POLR3C: variants seen among roughly 807,000 people sequenced by gnomAD.
POLR3C encodes RNA polymerase III subunit C.
POLR3C carries 44 observed loss-of-function variants against 65.9 expected under a neutral mutation model. The observed-to-expected ratio is 0.67, with a 90% CI of 0.52 to 0.86. The LOEUF (loss-of-function observed/expected upper bound fraction) is 0.86, where lower values mean the gene tolerates loss of function less well. POLR3C is among the 40% of genes least tolerant of loss of function. POLR3C has a pLI of 0.00. For synonymous variants in POLR3C, 263 were observed against 231.6 expected, an observed-to-expected ratio of 1.14 and a Z score of -1.23; for missense variants, 576 against 653.2, an observed-to-expected ratio of 0.88 and a Z score of 1.29.
chr1:145,825,802 GTTC>G lies in POLR3C; in HGVS notation c.29_31del (p.Ser10del), dbSNP rs1336388845. On this transcript the variant is annotated inframe_deletion, in exon 2 of 15. Transcript: ENST00000334163. ...ATGACTCAAGCAGAAATTAAGCTCT[GTTC>G]TTTGTTGCTGCAAGAGCATTTTGGA... is the stretch of plus-strand genomic sequence containing the variant. 2.5e-6 allele frequency: 4 copies of G among 1,613,480 alleles called. No homozygotes were observed. Among genetic ancestry groups the G allele is most frequent in the Non-Finnish European group, 3.4e-6 (4 of 1,179,556 alleles).
chr1:145,831,514 CAAA>C (rs57887653), intron 5 of POLR3C, among the ~76,000 whole-genome samples: 54 of 92,734 alleles, frequency 5.8e-4, no homozygotes, highest in Middle Eastern at 6.8e-3. Context: ...AACTCCATCT[CAAA>C]AAAAAAAAAA....
chr1:145,836,945 G>C, intron 9 of POLR3C, 79 bp downstream of exon 9: 1 of 736,404 alleles, frequency 1.4e-6, no homozygotes, highest in East Asian at 2.7e-5. Context: ...AGAAAGATTT[G>C]GTAATGTTTA....
At chr1:145,841,949 C>CCTAGATGGCTTTTGT (rs1553730681) in intron 14 of POLR3C, among the ~76,000 whole-genome samples, 1 of 152,084 alleles carries the variant, frequency 6.6e-6, no homozygotes, top group African/African-American at 2.4e-5. Context: ...GTGGGTTTTT[C>CCTAGATGGCTTTTGT]CTAGATGGCT....
At chr1:145,833,702 G>T (rs2101645202) in intron 7 of POLR3C, 120 bp downstream of exon 7, 1 of 703,378 alleles carries the variant, frequency 1.4e-6, no homozygotes, top group South Asian at 1.7e-5. Context: ...GGCATTTGAT[G>T]TGGAGCAGGG....
chr1:145,830,241 T>A (rs1651190451), intron 5 of POLR3C, among the ~76,000 whole-genome samples: 1 of 149,704 alleles, frequency 6.7e-6, no homozygotes, highest in Non-Finnish European at 1.5e-5. Flanking sequence ...ATGGGAAGAA[T>A]GATGCAAAAC....
intron 4 of POLR3C, among the ~76,000 whole-genome samples, chr1:145,827,544 G>C (rs1266995788): frequency 6.6e-6 from 1 of 152,018 alleles, no homozygotes; most frequent in African/African-American, 2.4e-5. Context: ...CGGATCACGA[G>C]GTCAGGAGAT....
chr1:145,831,047 C>T (rs1651265037), intron 5 of POLR3C, among the ~76,000 whole-genome samples: 1 of 150,942 alleles, frequency 6.6e-6, no homozygotes, highest in African/African-American at 2.4e-5. Flanking sequence ...TTCAGTGAGC[C>T]ATGATGGTGC....
At chr1:145,834,018 CATT>C (rs1651570752) in intron 7 of POLR3C, among the ~76,000 whole-genome samples, 1 of 152,164 alleles carries the variant, frequency 6.6e-6, no homozygotes, top group Non-Finnish European at 1.5e-5. Flanking sequence ...GTGATTTCAT[CATT>C]GTGTGAACAT....
Position 145,833,383 on chromosome 1 carries a change from T to C in POLR3C, c.783+19T>C, listed in dbSNP as rs587691354. On this transcript the variant is annotated intron_variant, in intron 6 of 14. Transcript: ENST00000334163. The stretch of plus-strand genomic sequence containing the variant: ...GGACCAGGTAATACCTAAGTGGGTC[T>C]GTCATTGGTCATCAGGGACATTTAC... 13 of 1,561,244 alleles carry C rather than the reference T, an allele frequency of 8.3e-6. No homozygotes were observed. In the Middle Eastern group the frequency reaches 5.0e-4, roughly 61 times the overall value.
chr1:145,834,796 T>C (rs1254865123), intron 7 of POLR3C, among the ~76,000 whole-genome samples: 1 of 152,182 alleles, frequency 6.6e-6, no homozygotes, highest in Non-Finnish European at 1.5e-5. Flanking sequence ...TAAAATGTTA[T>C]ATGGTGCATG....
In POLR3C at chr1:145,826,428, C is replaced by T. The variant is rs1310147386; in HGVS notation, c.148-26C>T. The T allele has an allele frequency of 4.4e-6, 7 of 1,608,064 alleles. No homozygotes were observed. The African/African-American group carries it at 6.7e-5, about 15-fold the overall frequency. On this transcript the variant is annotated intron_variant, in intron 2 of 14. Transcript: ENST00000334163. ...AGCTATATCTTCAGGTCTTTCCTCT[C>T]TTTCTTCTCTTTATGTTCCATTTAG...
At chr1:145,835,494 T>G (rs879965478) in intron 7 of POLR3C, among the ~76,000 whole-genome samples, 5 of 151,986 alleles carry the variant, frequency 3.3e-5, no homozygotes. Context: ...CCTTGCATAC[T>G]CTAACATATA....
At chr1:145,833,392 T>A (rs782099770) in intron 6 of POLR3C, 28 bp downstream of exon 6, 1 of 1,542,254 alleles carries the variant, frequency 6.5e-7, no homozygotes, top group South Asian at 1.1e-5. Flanking sequence ...CTGTCATTGG[T>A]CATCAGGGAC....
In POLR3C at chr1:145,837,507, A is replaced by C. The variant is rs782342975; in HGVS notation, c.1010-29A>C. On this transcript the variant is annotated intron_variant, in intron 9 of 14. Transcript: ENST00000334163. ...ATCACAATAACTAGGCCAAAACATT[A>C]CTGAGTGACCTTAATTCTCTACATA... is the stretch of plus-strand genomic sequence containing the variant. The C allele has an allele frequency of 4.5e-6, 6 of 1,333,022 alleles. No homozygotes were observed. In the African/African-American group the frequency reaches 9.0e-5, roughly 20 times the overall value. 82.6% of individuals were successfully genotyped at this position (1,333,022 alleles called of 1,614,324 possible). A position where few individuals can be genotyped will look rare whatever the true frequency, so the allele number is the denominator to read the frequency against.
Position 145,828,770 on chromosome 1 carries a change from C to G in POLR3C, c.611C>G (p.Ser204Ter). The G allele has an allele frequency of 6.2e-7, 1 of 1,608,408 alleles. No homozygotes were observed. Among genetic ancestry groups the G allele is most frequent in the South Asian group, 1.1e-5 (1 of 90,982 alleles). ...SLIGKGKRRR[S>*]SDEDAAGEPK... ...GCAGGGAAAGGTAAAAGGAGGAGAT[C>G]ATCTGATGAAGATGCTGCTGGGGAG... Residue 204 changes from serine to a stop codon, truncating the protein, a stop_gained, in exon 5 of 15, where the codon TCA becomes TGA. Transcript: ENST00000334163. LOFTEE classifies it high-confidence loss of function.
In POLR3C at chr1:145,828,077, G is replaced by A. The variant is rs116530280; in HGVS notation, c.590-672G>A. On this transcript the variant is annotated intron_variant, in intron 4 of 14. Transcript: ENST00000334163. ...AACAGGAAAAGCATTTTTGGCAGAGGGAATAGTATGTAGTAAAAAAATAGC... is the reference window on the plus strand; with the variant it reads ...AACAGGAAAAGCATTTTTGGCAGAGAGAATAGTATGTAGTAAAAAAATAGC... 6.2e-3 allele frequency among the ~76,000 whole-genome samples: 938 copies of A among 152,286 alleles called. 5 individuals are homozygous for A. The highest frequency in any genetic ancestry group is 0.011 in the Admixed American group (163 of 15,294).
In POLR3C at chr1:145,840,118, C is replaced by G; in HGVS notation, c.1326C>G (p.Ser442Arg). ...ARMLLHRCYK[S>R]IANLIERRQF... The stretch of plus-strand genomic sequence containing the variant: ...TTGTCTGTCTTCTCTTTCCTCAGAG[C>G]ATAGCCAACTTGATAGAAAGGAGGC... Residue 442 changes from serine to arginine, a missense_variant and splice_region_variant, in exon 13 of 15, where the codon AGC becomes AGG. Coordinates refer to ENST00000334163, the MANE Select transcript of POLR3C (RefSeq NM_006468.8). 1.9e-6 allele frequency: 3 copies of G among 1,606,418 alleles called. No homozygotes were observed. Among genetic ancestry groups the G allele is most frequent in the Admixed American group, 3.3e-5 (2 of 60,006 alleles).
At chr1:145,825,362 C>T (rs1650640622) in intron 1 of POLR3C, among the ~76,000 whole-genome samples, 1 of 152,156 alleles carries the variant, frequency 6.6e-6, no homozygotes, top group Non-Finnish European at 1.5e-5. Context: ...ACGCCCACCT[C>T]GGTCTCCCAA....
intron 1 of POLR3C, among the ~76,000 whole-genome samples, chr1:145,825,069 AGCTT>A (rs1650596159): frequency 6.6e-6 from 1 of 151,714 alleles, no homozygotes; most frequent in African/African-American, 2.4e-5. Flanking sequence ...ATATTTTTTC[AGCTT>A]GCTTCTGTCA....
Sources: allele counts gnomAD v4.1 joint callset (sites outside exome capture counted in the v4.1 genomes callset), GRCh38; gene constraint gnomAD v4.1.1; transcripts MANE v1.5; gene names NCBI Gene and HGNC (gene_info 2026-07-23, HGNC 2026-07-21).